Variants in SUCLG2 observed in about 807,000 individuals in gnomAD.
SUCLG2 encodes succinate-CoA ligase GDP-forming subunit beta, also known as succinate--CoA ligase [GDP-forming] subunit beta, mitochondrial.
A neutral mutation model predicts 47.9 loss-of-function variants in SUCLG2; 42 were observed. The ratio of observed to expected loss-of-function variants is 0.88; its 90% confidence interval spans 0.69 to 1.14. SUCLG2 has a LOEUF of 1.14. SUCLG2 is among the 50% of genes most tolerant of loss of function. SUCLG2 has a pLI of 0.00. For synonymous variants in SUCLG2, 195 were observed against 197.3 expected, an observed-to-expected ratio of 0.99 and a Z score of 0.10; for missense variants, 571 against 525.9, an observed-to-expected ratio of 1.09 and a Z score of -0.84.
intron 2 of SUCLG2, among the ~76,000 whole-genome samples, chr3:67,533,619 T>C (rs1201308738): frequency 6.6e-6 from 1 of 152,150 alleles, no homozygotes; most frequent in Non-Finnish European, 1.5e-5. Flanking sequence ...TGAACTTTAA[T>C]AAAGAATATA....
At chr3:67,426,254 AGC>A (rs1703299130) in intron 9 of SUCLG2, among the ~76,000 whole-genome samples, 1 of 152,226 alleles carries the variant, frequency 6.6e-6, no homozygotes, top group Non-Finnish European at 1.5e-5. Context: ...GTGTCATATT[AGC>A]ACCTGAGGTC....
At position 67,400,916 on chromosome 3, in the gene SUCLG2, G is replaced by A. The variant is rs1702669803; in HGVS notation, c.1063-65C>T. 3.8e-6 allele frequency: 6 copies of A among 1,599,372 alleles called. 1 individual carries two copies. In the South Asian group the frequency reaches 6.8e-5, roughly 18 times the overall value. On this transcript the variant is annotated intron_variant, in intron 9 of 10. Transcript: ENST00000307227. Reference sequence around the variant, plus strand: ...TCGCCAACAGTCTCAAAAATAACTGGTTAAATAATAGAGACAATTAAAATA... The same window carrying A: ...TCGCCAACAGTCTCAAAAATAACTGATTAAATAATAGAGACAATTAAAATA...
chr3:67,486,637 T>C (rs1705061849), intron 9 of SUCLG2, among the ~76,000 whole-genome samples: 1 of 152,194 alleles, frequency 6.6e-6, no homozygotes, highest in Non-Finnish European at 1.5e-5. Flanking sequence ...GAAGCTTATC[T>C]AGCACCTGTA....
At chr3:67,388,794 A>G (rs767617036) in intron 10 of SUCLG2, among the ~76,000 whole-genome samples, 7 of 151,950 alleles carry the variant, frequency 4.6e-5, no homozygotes, top group Admixed American at 6.6e-5. Flanking sequence ...TATTATAGTT[A>G]TAGTAGATTT....
intron 9 of SUCLG2, among the ~76,000 whole-genome samples, chr3:67,435,208 C>A (rs184731299): frequency 1.0e-3 from 158 of 152,252 alleles, no homozygotes; most frequent in African/African-American, 3.6e-3. Flanking sequence ...CAGTTTGCAA[C>A]CTTGTAATAT....
chr3:67,518,419 A>G, intron 5 of SUCLG2, 83 bp from the exon 6 acceptor site: 1 of 1,297,950 alleles, frequency 7.7e-7, no homozygotes, highest in African/African-American at 1.5e-5. Context: ...CTTAGTATTT[A>G]TTTGCAAATG....
chr3:67,522,822 C>T (rs1263362457), intron 4 of SUCLG2, among the ~76,000 whole-genome samples: 1 of 150,854 alleles, frequency 6.6e-6, no homozygotes, highest in Admixed American at 6.6e-5. Flanking sequence ...CGCCACCACA[C>T]CCGGCTAATT....
At chr3:67,366,360 C>T (rs1701875299) in intron 10 of SUCLG2, among the ~76,000 whole-genome samples, 1 of 151,960 alleles carries the variant, frequency 6.6e-6, no homozygotes, top group Non-Finnish European at 1.5e-5. Context: ...CAAAACAAAA[C>T]AAAAAAACCC....
At chr3:67,643,455 T>C (rs977421465) in intron 1 of SUCLG2, among the ~76,000 whole-genome samples, 1 of 152,214 alleles carries the variant, frequency 6.6e-6, no homozygotes, top group Non-Finnish European at 1.5e-5. Flanking sequence ...TTACATCAAT[T>C]AGCCTATAGA....
chr3:67,653,445 GGA>G (rs1701322839), intron 1 of SUCLG2, among the ~76,000 whole-genome samples: 1 of 152,182 alleles, frequency 6.6e-6, no homozygotes, highest in Non-Finnish European at 1.5e-5. Flanking sequence ...GGAAATGAAA[GGA>G]GAGGGGTAAA....
chr3:67,400,154 T>A (rs1190113934), intron 10 of SUCLG2, among the ~76,000 whole-genome samples: 1 of 151,508 alleles, frequency 6.6e-6, no homozygotes, highest in East Asian at 1.9e-4. Flanking sequence ...ACATGCTAAA[T>A]GTGAAAAGTT....
Position 67,621,325 on chromosome 3 carries a change from GA to G in SUCLG2, c.85-11730del, listed in dbSNP as rs770922150. Reference sequence around the variant, plus strand: ...CTTGTGGATTAGATGTGGGTTTAAGGAAAAAAAAAAGAAATCTAGTATTAGA... The same window carrying G: ...CTTGTGGATTAGATGTGGGTTTAAGGAAAAAAAAAGAAATCTAGTATTAGA... On this transcript the variant is annotated intron_variant, in intron 1 of 10. Transcript: ENST00000307227. Among the ~76,000 whole-genome samples, 154 of 147,004 alleles carry G rather than the reference GA, an allele frequency of 1.0e-3. 1 individual carries two copies. In the East Asian group the frequency reaches 0.012, roughly 11 times the overall value.
chr3:67,430,549 A>T (rs1301154367), intron 9 of SUCLG2, among the ~76,000 whole-genome samples: 4 of 152,204 alleles, frequency 2.6e-5, no homozygotes, highest in Non-Finnish European at 5.9e-5. Flanking sequence ...GAACTAGAGA[A>T]GCAAGAGCAA....
In SUCLG2 at chr3:67,520,487, A is replaced by G. The variant is rs1324492247; in HGVS notation, c.565T>C (p.Phe189Leu). The G allele has an allele frequency of 6.2e-7, 1 of 1,614,024 alleles. No individual in the cohort carries two copies. The highest frequency in any genetic ancestry group is 1.3e-5 in the African/African-American group (1 of 75,044). ...EVAASNPELI[F>L]KEQIDIFEGI... ...AGCCCGGAATTTAAACATACCTTAAAAATGAGCTCCGGGTTTGAAGCAGCC... is the reference window on the plus strand; with the variant it reads ...AGCCCGGAATTTAAACATACCTTAAGAATGAGCTCCGGGTTTGAAGCAGCC... The change falls in exon 5 of 11, where the codon TTT becomes CTT. Residue 189 changes from phenylalanine (F) to leucine (L), a missense_variant. Coordinates refer to ENST00000307227, the MANE Select transcript of SUCLG2 (RefSeq NM_003848.4).
intron 2 of SUCLG2, among the ~76,000 whole-genome samples, chr3:67,568,119 G>A (rs72927381): frequency 4.7e-4 from 71 of 152,316 alleles, no homozygotes; most frequent in African/African-American, 1.6e-3. Context: ...TGGTATTAGA[G>A]TCACTGAACT....
chr3:67,470,730 A>C (rs1255252579), intron 9 of SUCLG2, among the ~76,000 whole-genome samples: 4 of 152,312 alleles, frequency 2.6e-5, no homozygotes, highest in East Asian at 3.9e-4. Context: ...AGCCTCTAGA[A>C]CTGTAAGCCA....
chr3:67,381,042 G>A (rs1702147189), intron 10 of SUCLG2, among the ~76,000 whole-genome samples: 1 of 152,038 alleles, frequency 6.6e-6, no homozygotes, highest in Non-Finnish European at 1.5e-5. Flanking sequence ...AACCAGCTGG[G>A]CATGGTGGCC....
chr3:67,602,823 G>C (rs1708448653), intron 2 of SUCLG2, among the ~76,000 whole-genome samples: 1 of 152,160 alleles, frequency 6.6e-6, no homozygotes, highest in African/African-American at 2.4e-5. Flanking sequence ...ATCTGCATGA[G>C]ACCAGGTTCT....
At chr3:67,364,433 C>A (rs1027047015) in intron 10 of SUCLG2, among the ~76,000 whole-genome samples, 2 of 151,944 alleles carry the variant, frequency 1.3e-5, no homozygotes, top group East Asian at 1.9e-4. Flanking sequence ...TTCCACCCCC[C>A]CCACCCCCAA....
Sources: allele counts gnomAD v4.1 joint callset (sites outside exome capture counted in the v4.1 genomes callset), GRCh38; gene constraint gnomAD v4.1.1; transcripts MANE v1.5; gene names NCBI Gene and HGNC (gene_info 2026-07-23, HGNC 2026-07-21).